The following NCK2 variants were observed in gnomAD, a reference collection of about 807,000 sequenced individuals.
NCK2 encodes cytoplasmic protein NCK2.
In NCK2, 16 loss-of-function variants were observed where a neutral mutation model predicts 33.9. The observed-to-expected ratio is 0.47, with a 90% confidence interval of 0.32 to 0.72. The LOEUF (loss-of-function observed/expected upper bound fraction) is 0.72. NCK2 is among the 30% of genes least tolerant of loss of function. The probability of loss-of-function intolerance (pLI) is 0.03; values close to 1 mark genes in which losing one functional copy is unlikely to be tolerated. For missense variants in NCK2, 418 were observed against 537.3 expected (o/e 0.78, Z 2.19); for synonymous variants, 273 against 239.9 (o/e 1.14, Z -1.27).
chr2:105,751,863 A>T (rs1689465358), intron 1 of NCK2, among the ~76,000 whole-genome samples: 1 of 152,226 alleles, frequency 6.6e-6, no homozygotes, highest in African/African-American at 2.4e-5. Flanking sequence ...TGACCCCTTG[A>T]AATACAATGT....
chr2:105,853,216 T>C (rs529273646), intron 2 of NCK2, among the ~76,000 whole-genome samples: 1 of 152,290 alleles, frequency 6.6e-6, no homozygotes, highest in African/African-American at 2.4e-5. Context: ...GGACTGAATA[T>C]TGAATTTTTC....
intron 2 of NCK2, among the ~76,000 whole-genome samples, chr2:105,834,916 A>G (rs1676335884): frequency 6.6e-6 from 1 of 152,074 alleles, no homozygotes; most frequent in South Asian, 2.1e-4. Context: ...GGGCTCAAGC[A>G]ATCCTCCCAT....
intron 1 of NCK2, among the ~76,000 whole-genome samples, chr2:105,795,982 A>C (rs1329165465): frequency 6.6e-6 from 1 of 152,256 alleles, no homozygotes; most frequent in Non-Finnish European, 1.5e-5. Flanking sequence ...AGTCTTGTAA[A>C]AAGAGCAAAA....
intron 1 of NCK2, among the ~76,000 whole-genome samples, chr2:105,809,436 C>T (rs994028911): frequency 1.3e-5 from 2 of 152,182 alleles, no homozygotes; most frequent in East Asian, 1.9e-4. Flanking sequence ...CTTTCTCCAG[C>T]GCTTGCAGAC....
intron 4 of NCK2, among the ~76,000 whole-genome samples, chr2:105,891,573 T>TATAG (rs10666166): frequency 1.0e-5 from 1 of 98,382 alleles, no homozygotes; most frequent in South Asian, 3.3e-4. Flanking sequence ...TTTTTTGAGA[T>TATAG]TTTTCGCTCT....
At chr2:105,877,139 C>G (rs911558469) in intron 3 of NCK2, among the ~76,000 whole-genome samples, 2 of 152,182 alleles carry the variant, frequency 1.3e-5, no homozygotes, top group Non-Finnish European at 2.9e-5. Flanking sequence ...CTTAATTATC[C>G]TCACACAGAA....
intron 1 of NCK2, among the ~76,000 whole-genome samples, chr2:105,801,621 G>T (rs1674844990): frequency 6.6e-6 from 1 of 151,874 alleles, no homozygotes; most frequent in Non-Finnish European, 1.5e-5. Flanking sequence ...GCATTGTCTT[G>T]CTGCCTCCTG....
At chr2:105,769,517 C>G (rs1031258897) in intron 1 of NCK2, among the ~76,000 whole-genome samples, 2 of 152,206 alleles carry the variant, frequency 1.3e-5, no homozygotes, top group Non-Finnish European at 2.9e-5. Flanking sequence ...AATTGTGACT[C>G]TACTTATAAT....
chr2:105,801,936 G>A (rs60247922), intron 1 of NCK2, among the ~76,000 whole-genome samples: 1,674 of 152,190 alleles, frequency 0.011, 31 homozygotes, highest in African/African-American at 0.038. Flanking sequence ...CAGGCTGCAG[G>A]CCCATCTCCC....
intron 1 of NCK2, among the ~76,000 whole-genome samples, chr2:105,791,689 T>C (rs997434913): frequency 6.6e-6 from 1 of 152,214 alleles, no homozygotes; most frequent in Non-Finnish European, 1.5e-5. Context: ...GTTTCGTTTT[T>C]CTACTTGACA....
At chr2:105,747,778 G>A (rs573321910) in intron 1 of NCK2, among the ~76,000 whole-genome samples, 3 of 152,290 alleles carry the variant, frequency 2.0e-5, no homozygotes, top group South Asian at 2.1e-4. Flanking sequence ...TTCACGGCAC[G>A]TTTTCAAAGG....
At chr2:105,863,260 C>T (rs1002506188) in intron 3 of NCK2, among the ~76,000 whole-genome samples, 3 of 152,094 alleles carry the variant, frequency 2.0e-5, no homozygotes, top group Non-Finnish European at 4.4e-5. Flanking sequence ...TATAAATATT[C>T]TCACAGGTCT....
chr2:105,826,710 C>A (rs1675958604), intron 2 of NCK2, among the ~76,000 whole-genome samples: 1 of 152,130 alleles, frequency 6.6e-6, no homozygotes, highest in Non-Finnish European at 1.5e-5. Context: ...TCTCTCAATT[C>A]CAAGTTCTGG....
intron 2 of NCK2, among the ~76,000 whole-genome samples, chr2:105,845,940 C>G (rs1676839679): frequency 6.6e-6 from 1 of 152,052 alleles, no homozygotes; most frequent in Non-Finnish European, 1.5e-5. Flanking sequence ...TCCTCTTCAC[C>G]CCTTCACCAT....
intron 2 of NCK2, among the ~76,000 whole-genome samples, chr2:105,830,802 T>C (rs1361256059): frequency 1.3e-5 from 2 of 151,560 alleles, no homozygotes; most frequent in African/African-American, 4.8e-5. Flanking sequence ...ATATTGAGCA[T>C]TTTTTTTGCT....
chr2:105,891,827 G>A (rs923643269), intron 4 of NCK2, among the ~76,000 whole-genome samples: 1 of 152,004 alleles, frequency 6.6e-6, no homozygotes. Flanking sequence ...GATTACAGGC[G>A]TGAGCTACTG....
At chr2:105,855,558 A>G (rs1172765695) in intron 3 of NCK2, 4 of 323,466 alleles carry the variant, frequency 1.2e-5, no homozygotes, top group African/African-American at 6.3e-5. Flanking sequence ...CTTGTATCAA[A>G]ACGTTAGAGG....
At chr2:105,867,737 G>A (rs755448690) in intron 3 of NCK2, among the ~76,000 whole-genome samples, 51 of 152,182 alleles carry the variant, frequency 3.4e-4, no homozygotes, top group Non-Finnish European at 6.2e-4. Flanking sequence ...ATTAGGCAGA[G>A]CATTTCCCAG....
intron 1 of NCK2, among the ~76,000 whole-genome samples, chr2:105,774,422 A>T (rs556603536): frequency 6.6e-6 from 1 of 152,252 alleles, no homozygotes; most frequent in South Asian, 2.1e-4. Flanking sequence ...GGTCTGACAG[A>T]TGCTCAGTAT....
Sources: allele counts gnomAD v4.1 joint callset (sites outside exome capture counted in the v4.1 genomes callset), GRCh38; gene constraint gnomAD v4.1.1; transcripts MANE v1.5; gene names NCBI Gene and HGNC (gene_info 2026-07-23, HGNC 2026-07-21).